The following HDX variants were observed in gnomAD, a reference collection of about 807,000 sequenced individuals.
The protein encoded by HDX is highly divergent homeobox.
HDX carries 19 observed loss-of-function variants against 45.2 expected under a neutral mutation model. That is an observed-to-expected ratio of 0.42 (90% CI 0.29 to 0.62). HDX has a LOEUF of 0.62. Ranked by LOEUF, HDX falls within the 20% of genes least tolerant of loss-of-function variation. The pLI is 0.20. For synonymous variants in HDX, 188 were observed against 172.8 expected (o/e 1.09, Z -0.69); for missense variants, 532 against 493.9 (o/e 1.08, Z -0.73).
intron 5 of HDX, among the ~76,000 whole-genome samples, chrX:84,375,819 C>T (rs1390234509): frequency 2.7e-5 from 3 of 110,680 alleles, no homozygotes; most frequent in African/African-American, 6.6e-5. Context: ...GGGTGCAGCA[C>T]ACCAGCATGG....
intron 5 of HDX, among the ~76,000 whole-genome samples, chrX:84,361,964 T>A (rs1034438552): frequency 4.5e-5 from 5 of 111,925 alleles, no homozygotes; most frequent in African/African-American, 1.6e-4. Flanking sequence ...AACATTTTAA[T>A]GTATACTCTT....
intron 5 of HDX, among the ~76,000 whole-genome samples, chrX:84,412,749 G>A (rs945884068): frequency 9.0e-6 from 1 of 111,727 alleles, no homozygotes; most frequent in Non-Finnish European, 1.9e-5. Flanking sequence ...CCATGGATGG[G>A]ATCCTCAAAT....
At position 84,373,936 on chromosome X, in the gene HDX, G is replaced by A. The variant is rs2037970093; in HGVS notation, c.1306-12324C>T. On this transcript the variant is annotated intron_variant, in intron 5 of 10. Coordinates refer to ENST00000373177, the MANE Select transcript of HDX (RefSeq NM_001177479.2). ...CAATTAGGCAGAAGAAGGAAATAAA[G>A]GGTATTCAATTAGGAAAAGAGGAAG... Among the ~76,000 whole-genome samples the A allele has an allele frequency of 2.9e-5, 3 of 101,718 alleles. No homozygotes were observed. In the South Asian group the frequency reaches 1.4e-3, roughly 48 times the overall value. The allele number at this position is 101,718 out of a possible 115,157, so 88.3% of individuals were successfully genotyped here. A position where few individuals can be genotyped will look rare whatever the true frequency, so the allele number is the denominator to read the frequency against.
At chrX:84,366,616 T>C (rs1204502183) in intron 5 of HDX, among the ~76,000 whole-genome samples, 2 of 111,625 alleles carry the variant, frequency 1.8e-5, no homozygotes, top group African/African-American at 3.3e-5. Context: ...AACAGCATGG[T>C]ACTGGTACCA....
At chrX:84,349,183 T>G (rs1226410686) in intron 6 of HDX, among the ~76,000 whole-genome samples, 1 of 111,017 alleles carries the variant, frequency 9.0e-6, no homozygotes, top group African/African-American at 3.3e-5. Context: ...TGTGATTCTC[T>G]GTATCTGCCT....
chrX:84,502,110 T>C (rs2041132193), intron 1 of HDX, among the ~76,000 whole-genome samples: 1 of 111,026 alleles, frequency 9.0e-6, no homozygotes, highest in Admixed American at 9.6e-5. Flanking sequence ...GCAATCCCCA[T>C]TGTATCCCTA....
In HDX at chrX:84,374,109, C is replaced by G. The variant is rs756011019; in HGVS notation, c.1306-12497G>C. ...CAAAAATCACAAGCATTCTTATACA[C>G]CAATAATAGACAAACAGAGAGCCAA... On this transcript the variant is annotated intron_variant, in intron 5 of 10. Coordinates refer to ENST00000373177, the MANE Select transcript of HDX (RefSeq NM_001177479.2). Among the ~76,000 whole-genome samples the G allele has an allele frequency of 2.5e-4, 28 of 110,703 alleles. No individual in the cohort carries two copies. The South Asian group carries it at 0.011, about 43-fold the overall frequency.
At chrX:84,488,525 C>A (rs2040838629) in intron 1 of HDX, among the ~76,000 whole-genome samples, 1 of 111,133 alleles carries the variant, frequency 9.0e-6, no homozygotes, top group Non-Finnish European at 1.9e-5. Flanking sequence ...TTCTTGGCCA[C>A]AAAAATAAAT....
At chrX:84,447,417 A>G (rs764480647) in intron 4 of HDX, among the ~76,000 whole-genome samples, 1 of 111,720 alleles carries the variant, frequency 9.0e-6, no homozygotes, top group South Asian at 3.7e-4. Context: ...GTTCCCCAAT[A>G]CAAGTAAAGA....
chrX:84,368,796 G>A (rs904116722), intron 5 of HDX, among the ~76,000 whole-genome samples: 1 of 111,212 alleles, frequency 9.0e-6, no homozygotes, highest in Non-Finnish European at 1.9e-5. Flanking sequence ...TTCCACGGAT[G>A]AGGGTGGGGT....
In HDX at chrX:84,386,086, AC is replaced by A. The variant is rs1185690983; in HGVS notation, c.1306-24475del. Among the ~76,000 whole-genome samples, 10 of 109,662 alleles carry A rather than the reference AC, an allele frequency of 9.1e-5. No individual in the cohort carries two copies. In the Admixed American group the frequency reaches 9.7e-4, roughly 11 times the overall value. ...TGAAGAATGTTAGATTTTATGGAAAACTTTTTATGTGTATATTGAGATGATT... is the reference window on the plus strand; with the variant it reads ...TGAAGAATGTTAGATTTTATGGAAAATTTTTATGTGTATATTGAGATGATT... On this transcript the variant is annotated intron_variant, in intron 5 of 10. Coordinates refer to ENST00000373177, the MANE Select transcript of HDX (RefSeq NM_001177479.2).
chrX:84,332,155 C>A (rs982746780), intron 9 of HDX, among the ~76,000 whole-genome samples: 1 of 111,141 alleles, frequency 9.0e-6, no homozygotes, highest in African/African-American at 3.3e-5. Context: ...GTTTTGCTTA[C>A]CTTTCCCTTA....
intron 2 of HDX, among the ~76,000 whole-genome samples, chrX:84,480,405 A>G (rs1426610080): frequency 8.9e-6 from 1 of 111,785 alleles, no homozygotes; most frequent in Non-Finnish European, 1.9e-5. Context: ...ATGAGAGTAG[A>G]CATTCTTGCC....
In HDX at chrX:84,334,978, A is replaced by G. The variant is rs181211977; in HGVS notation, c.1741-1136T>C. On this transcript the variant is annotated intron_variant, in intron 8 of 10. Coordinates refer to ENST00000373177, the MANE Select transcript of HDX (RefSeq NM_001177479.2). Reference sequence around the variant, plus strand: ...CATACATACATATTTACATATGGTGATTAAAAGTCACAAATTAACTTGGAA... The same window carrying G: ...CATACATACATATTTACATATGGTGGTTAAAAGTCACAAATTAACTTGGAA... Among the ~76,000 whole-genome samples, 223 of 111,094 alleles carry G rather than the reference A, an allele frequency of 2.0e-3. 1 individual carries two copies. The highest frequency in any genetic ancestry group is 3.8e-3 in the Non-Finnish European group (198 of 52,748).
chrX:84,376,047 T>G (rs923295195), intron 5 of HDX, among the ~76,000 whole-genome samples: 19 of 112,140 alleles, frequency 1.7e-4, no homozygotes, highest in Non-Finnish European at 2.4e-4. Flanking sequence ...AAAAGGACAC[T>G]AATTTAACAA....
At chrX:84,381,702 C>T (rs1446715123) in intron 5 of HDX, among the ~76,000 whole-genome samples, 1 of 111,478 alleles carries the variant, frequency 9.0e-6, no homozygotes, top group African/African-American at 3.3e-5. Context: ...AAAATCAAAA[C>T]AAAATGGCCT....
intron 5 of HDX, among the ~76,000 whole-genome samples, chrX:84,425,735 T>C (rs1404118277): frequency 1.8e-5 from 2 of 110,977 alleles, no homozygotes; most frequent in African/African-American, 6.5e-5. Flanking sequence ...TTTCACTTAT[T>C]TGTGGGATCT....
At chrX:84,437,712 T>C (rs1339510969) in intron 5 of HDX, among the ~76,000 whole-genome samples, 1 of 110,856 alleles carries the variant, frequency 9.0e-6, no homozygotes, top group Admixed American at 9.7e-5. Flanking sequence ...GAAAATGGAA[T>C]CTCCATCCTT....
At chrX:84,369,468 T>C (rs1334841335) in intron 5 of HDX, among the ~76,000 whole-genome samples, 1 of 112,081 alleles carries the variant, frequency 8.9e-6, no homozygotes, top group Non-Finnish European at 1.9e-5. Context: ...GTAATTCTAT[T>C]TTTCATTTTT....
Sources: gnomAD v4.1 joint callset for allele counts (sites outside exome capture counted in the v4.1 genomes callset) on GRCh38, gnomAD v4.1.1 for gene constraint, MANE v1.5 for transcripts, NCBI Gene and HGNC (gene_info 2026-07-23, HGNC 2026-07-21) for gene names.